SLC24A4: variants seen among roughly 807,000 people sequenced by gnomAD.
SLC24A4 encodes sodium/potassium/calcium exchanger 4.
SLC24A4 carries 53 observed loss-of-function variants against 79.0 expected under a neutral mutation model. That is an observed-to-expected ratio of 0.67 (90% CI 0.54 to 0.84). The LOEUF (loss-of-function observed/expected upper bound fraction) is 0.84, where lower values mean the gene tolerates loss of function less well. Ranked by LOEUF, SLC24A4 falls within the 40% of genes least tolerant of loss-of-function variation. The pLI is 0.00. For synonymous variants in SLC24A4, 323 were observed against 323.8 expected, an observed-to-expected ratio of 1.00 and a Z score of 0.03; for missense variants, 731 against 822.0, an observed-to-expected ratio of 0.89 and a Z score of 1.35.
At chr14:92,478,599 T>C (rs1894895529) in intron 12 of SLC24A4, among the ~76,000 whole-genome samples, 1 of 152,024 alleles carries the variant, frequency 6.6e-6, no homozygotes, top group Non-Finnish European at 1.5e-5. Flanking sequence ...CTGATTACTG[T>C]AGCTTTGTCC....
At chr14:92,454,887 A>T (rs1280784016) in intron 11 of SLC24A4, among the ~76,000 whole-genome samples, 1 of 144,502 alleles carries the variant, frequency 6.9e-6, no homozygotes, top group Non-Finnish European at 1.6e-5. Context: ...GAATCAATGA[A>T]ATTTGACCGA....
chr14:92,436,344 C>A (rs1892166302), intron 3 of SLC24A4, among the ~76,000 whole-genome samples: 1 of 152,182 alleles, frequency 6.6e-6, no homozygotes, highest in African/African-American at 2.4e-5. Flanking sequence ...CACACCCATT[C>A]TATGGCTCGT....
chr14:92,401,337 T>C (rs1890101224), intron 2 of SLC24A4, among the ~76,000 whole-genome samples: 1 of 152,204 alleles, frequency 6.6e-6, no homozygotes, highest in African/African-American at 2.4e-5. Flanking sequence ...ATAGACATTG[T>C]TTATTTGTCT....
chr14:92,435,739 A>G (rs1566764286), intron 3 of SLC24A4, among the ~76,000 whole-genome samples: 1 of 152,278 alleles, frequency 6.6e-6, no homozygotes, highest in Non-Finnish European at 1.5e-5. Context: ...AGGGTAAGCC[A>G]TTAATGAAAA....
intron 15 of SLC24A4, among the ~76,000 whole-genome samples, 165 bp downstream of exon 15, chr14:92,491,942 A>G (rs1028047609): frequency 3.3e-5 from 5 of 151,702 alleles, no homozygotes; most frequent in Non-Finnish European, 1.5e-5. Context: ...CTACACTTCC[A>G]CTCCTCACCT....
In SLC24A4 at chr14:92,476,769, A is replaced by G. The variant is rs1290442217; in HGVS notation, c.1256-5911A>G. On this transcript the variant is annotated intron_variant, in intron 12 of 16. Transcript: ENST00000532405. ...TACTTTCCGTCTCTATGAATTTCCT[A>G]TTCTTGACATTTATATAAATAGAAT... is the stretch of plus-strand genomic sequence containing the variant. Among the ~76,000 whole-genome samples, 5 of 152,036 alleles carry G rather than the reference A, an allele frequency of 3.3e-5. No individual in the cohort carries two copies. The East Asian group carries it at 9.6e-4, about 29-fold the overall frequency.
intron 2 of SLC24A4, among the ~76,000 whole-genome samples, chr14:92,350,119 C>T (rs1886787963): frequency 6.6e-6 from 1 of 152,230 alleles, no homozygotes; most frequent in Non-Finnish European, 1.5e-5. Context: ...CTGTTGAAGT[C>T]TCTCTGTCTA....
intron 12 of SLC24A4, among the ~76,000 whole-genome samples, chr14:92,465,846 A>G (rs536218554): frequency 1.3e-5 from 2 of 151,892 alleles, no homozygotes; most frequent in South Asian, 4.2e-4. Flanking sequence ...AGCCCAGACA[A>G]CCTACACCTG....
rs1896051424 is a variant in SLC24A4, at chr14:92,499,254, A to T, written c.*5626A>T. The T allele has an allele frequency of 6.6e-6, 1 of 152,210 alleles. No individual in the cohort carries two copies. Among genetic ancestry groups the T allele is most frequent in the South Asian group, 2.1e-4 (1 of 4,822 alleles). 9.4% of individuals were successfully genotyped at this position (152,210 alleles called of 1,614,324 possible). A position where few individuals can be genotyped will look rare whatever the true frequency, so the allele number is the denominator to read the frequency against. ...GTTATGAATCTTCCTCCTGCTTCTA[A>T]ACAGGGCTGACAGTATACTCTCGTC... is the stretch of plus-strand genomic sequence containing the variant. On this transcript the variant is annotated 3_prime_UTR_variant, in exon 17 of 17. Transcript: ENST00000532405.
At chr14:92,372,970 TC>T (rs202108508) in intron 2 of SLC24A4, among the ~76,000 whole-genome samples, 1,610 of 137,986 alleles carry the variant, frequency 0.012, 50 homozygotes, top group African/African-American at 0.04. Context: ...TCTCTCTCTC[TC>T]CCCCCCTCCC....
In SLC24A4 at chr14:92,441,679, C is replaced by T. The variant is rs917582187; in HGVS notation, c.394-410C>T. ...GTTGGGAAAGACCAGTTGCTGCCCTCATCATCCGGTGAGGGAAGGCAAGCG... is the reference window on the plus strand; with the variant it reads ...GTTGGGAAAGACCAGTTGCTGCCCTTATCATCCGGTGAGGGAAGGCAAGCG... On this transcript the variant is annotated intron_variant, in intron 4 of 16. Coordinates refer to ENST00000532405, the MANE Select transcript of SLC24A4 (RefSeq NM_153646.4). The surrounding 1 kb of genome is among the most constrained non-coding windows in gnomAD (Gnocchi z 4.6). 6.6e-6 allele frequency among the ~76,000 whole-genome samples: 1 copy of T among 152,258 alleles called. No individual in the cohort carries two copies. The highest frequency in any genetic ancestry group is 2.4e-5 in the African/African-American group (1 of 41,466).
rs1439213523 is a variant in SLC24A4 at position 92,442,075 on chromosome 14, C to G, written c.394-14C>G. ...ACGTCACACCCTGAGGGTCTGTGGT[C>G]ACTTCCGTTTCAGAGACTCCATCTG... On this transcript the variant is annotated splice_polypyrimidine_tract_variant and intron_variant, in intron 4 of 16. Coordinates refer to ENST00000532405, the MANE Select transcript of SLC24A4 (RefSeq NM_153646.4). The G allele has an allele frequency of 4.3e-6, 7 of 1,610,634 alleles. No individual in the cohort carries two copies. The highest frequency in any genetic ancestry group is 1.3e-5 in the African/African-American group (1 of 74,860).
At chr14:92,422,612 T>C (rs975001837) in intron 2 of SLC24A4, among the ~76,000 whole-genome samples, 2 of 152,154 alleles carry the variant, frequency 1.3e-5, no homozygotes, top group Non-Finnish European at 2.9e-5. Flanking sequence ...TAGTAAGCAT[T>C]GTATGTGTAT....
At chr14:92,487,945 C>G (rs1895459443) in intron 14 of SLC24A4, among the ~76,000 whole-genome samples, 1 of 152,020 alleles carries the variant, frequency 6.6e-6, no homozygotes, top group Non-Finnish European at 1.5e-5. Context: ...GCATTCTTCC[C>G]TTGGTATGTC....
At chr14:92,394,044 T>A (rs1179399960) in intron 2 of SLC24A4, among the ~76,000 whole-genome samples, 1 of 149,904 alleles carries the variant, frequency 6.7e-6, no homozygotes, top group East Asian at 2.1e-4. Context: ...GAGGTTTTGC[T>A]ATGTTGCCCA....
intron 2 of SLC24A4, among the ~76,000 whole-genome samples, chr14:92,362,760 A>G (rs928884216): frequency 1.3e-5 from 2 of 152,336 alleles, no homozygotes; most frequent in Middle Eastern, 3.4e-3. Context: ...CTGAATGTCT[A>G]CAGTGCTTTT....
intron 2 of SLC24A4, among the ~76,000 whole-genome samples, chr14:92,428,123 A>C (rs1891668796): frequency 6.6e-6 from 1 of 152,342 alleles, no homozygotes; most frequent in South Asian, 2.1e-4. Context: ...GAATGAACTG[A>C]GACAAGTGGG....
intron 2 of SLC24A4, among the ~76,000 whole-genome samples, chr14:92,430,240 C>T (rs1891789974): frequency 6.6e-6 from 1 of 152,196 alleles, no homozygotes; most frequent in African/African-American, 2.4e-5. Context: ...GGGTCTCATC[C>T]AGCCATTCCT....
At position 92,493,524 on chromosome 14, in the gene SLC24A4, G is replaced by A; in HGVS notation, c.1765G>A (p.Val589Ile). 2 of 1,614,228 alleles carry A rather than the reference G, an allele frequency of 1.2e-6. No individual in the cohort carries two copies. Among genetic ancestry groups the A allele is most frequent in the Non-Finnish European group, 8.5e-7 (1 of 1,180,042 alleles). Residue 589 changes from valine to isoleucine, a missense_variant, in exon 17 of 17, where the codon GTC (valine) becomes ATC (isoleucine). Physicochemically the swap from Val to Ile is conservative, Grantham distance 29 (BLOSUM62 3). Coordinates refer to ENST00000532405, the MANE Select transcript of SLC24A4 (RefSeq NM_153646.4). ...NKWRLDRKLG[V>I]YVLVLYAIFL... ...GTGGCGACTGGACCGGAAGCTGGGT[G>A]TCTACGTGCTGGTTCTCTACGCCAT...
Sources: gnomAD v4.1 joint callset for allele counts (sites outside exome capture counted in the v4.1 genomes callset) on GRCh38, gnomAD v4.1.1 for gene constraint, Gnocchi (gnomAD v3.1) non-coding constraint, MANE v1.5 for transcripts, NCBI Gene and HGNC (gene_info 2026-07-23, HGNC 2026-07-21) for gene names.